Variants in SLC10A7 observed in about 807,000 individuals in gnomAD.
SLC10A7 encodes the protein solute carrier family 10 member 7, also known as sodium/bile acid cotransporter 7.
SLC10A7 carries 29 observed loss-of-function variants against 43.2 expected under a neutral mutation model. The observed-to-expected ratio is 0.67, with a 90% CI of 0.50 to 0.92. The LOEUF is 0.92. SLC10A7 is among the 40% of genes least tolerant of loss of function. The pLI is 0.00. For synonymous variants in SLC10A7, 152 were observed against 144.8 expected, an observed-to-expected ratio of 1.05 and a Z score of -0.35; for missense variants, 295 against 403.2, an observed-to-expected ratio of 0.73 and a Z score of 2.30.
intron 10 of SLC10A7, among the ~76,000 whole-genome samples, chr4:146,262,866 C>T (rs1041336846): frequency 6.6e-6 from 1 of 152,210 alleles, no homozygotes; most frequent in Non-Finnish European, 1.5e-5. Context: ...CAAATCTGAT[C>T]GTGTCACATC....
At chr4:146,514,825 G>A (rs955491162) in intron 2 of SLC10A7, 3 of 301,508 alleles carry the variant, frequency 9.9e-6, no homozygotes, top group Admixed American at 5.0e-5. Context: ...GAAATTAGCA[G>A]GCTTTAGAAG....
intron 5 of SLC10A7, among the ~76,000 whole-genome samples, chr4:146,347,757 T>C (rs572091858): frequency 6.6e-6 from 1 of 152,180 alleles, no homozygotes; most frequent in African/African-American, 2.4e-5. Flanking sequence ...TCATCAATTA[T>C]GTATAGAAAT....
rs747540119 is a variant in SLC10A7 at position 146,305,912 on chromosome 4, AT to A, written c.555+13del. 104 of 1,588,940 alleles carry A rather than the reference AT, an allele frequency of 6.5e-5. No homozygotes were observed. The highest frequency in any genetic ancestry group is 8.2e-5 in the Non-Finnish European group (96 of 1,168,966). On this transcript the variant is annotated intron_variant, in intron 7 of 11. Coordinates refer to ENST00000335472, the MANE Select transcript of SLC10A7 (RefSeq NM_001029998.6). ...ATCCATAAAGAAAAGATCAGATAGA[AT>A]TGGAGGCCTTACCTGTCCAATGATG...
rs535004220 is a variant in SLC10A7 at position 146,449,839 on chromosome 4, G to A, written c.397-7018C>T. 1.2e-4 allele frequency among the ~76,000 whole-genome samples: 19 copies of A among 152,152 alleles called. No individual in the cohort carries two copies. In the South Asian group the frequency reaches 2.7e-3, roughly 22 times the overall value. ...GTTTGGCCTCACTTGGGAAAGAAGGGAATTTAAAGTTTCAAACTAGAATGC... is the reference window on the plus strand; with the variant it reads ...GTTTGGCCTCACTTGGGAAAGAAGGAAATTTAAAGTTTCAAACTAGAATGC... On this transcript the variant is annotated intron_variant, in intron 4 of 11. Transcript: ENST00000335472.
chr4:146,373,697 G>T (rs1736956548), intron 5 of SLC10A7, among the ~76,000 whole-genome samples: 1 of 152,154 alleles, frequency 6.6e-6, no homozygotes, highest in Non-Finnish European at 1.5e-5. Flanking sequence ...AATCATGCAA[G>T]GAGATTTTTA....
chr4:146,422,860 G>A (rs1251645273), intron 5 of SLC10A7, among the ~76,000 whole-genome samples: 1 of 151,906 alleles, frequency 6.6e-6, no homozygotes, highest in Non-Finnish European at 1.5e-5. Context: ...TATTTTGGGA[G>A]GTCTTCCCAA....
At chr4:146,408,155 C>T (rs953812108) in intron 5 of SLC10A7, among the ~76,000 whole-genome samples, 3 of 152,132 alleles carry the variant, frequency 2.0e-5, no homozygotes, top group Non-Finnish European at 2.9e-5. Flanking sequence ...AGCATATCAG[C>T]GGTGCCTTTT....
intron 4 of SLC10A7, among the ~76,000 whole-genome samples, chr4:146,476,067 T>C (rs1204786583): frequency 6.6e-6 from 1 of 152,074 alleles, no homozygotes; most frequent in East Asian, 1.9e-4. Context: ...AGATAGGAGA[T>C]AGGATGAAGA....
At chr4:146,278,051 A>C (rs1458489668) in intron 10 of SLC10A7, among the ~76,000 whole-genome samples, 4 of 152,156 alleles carry the variant, frequency 2.6e-5, no homozygotes, top group African/African-American at 9.6e-5. Context: ...TAATACTTGG[A>C]TCCAGTAAAG....
At chr4:146,521,244 A>C (rs902069104) in intron 1 of SLC10A7, among the ~76,000 whole-genome samples, 1 of 151,846 alleles carries the variant, frequency 6.6e-6, no homozygotes, top group African/African-American at 2.4e-5. Flanking sequence ...AGGACTCGAA[A>C]GTAGACTCGA....
intron 5 of SLC10A7, among the ~76,000 whole-genome samples, chr4:146,350,255 C>G (rs1012458970): frequency 5.2e-4 from 79 of 151,682 alleles, no homozygotes; most frequent in Admixed American, 3.3e-4. Flanking sequence ...CTTTCTGAGT[C>G]AAAGAAAGGG....
Position 146,503,850 on chromosome 4 carries a change from T to A in SLC10A7, c.395A>T (p.Glu132Val). The change falls in exon 4 of 12, where the codon GAG becomes GTG. Residue 132 changes from glutamate to valine, a missense_variant and splice_region_variant. Physicochemically the swap from Glu to Val is moderately radical, Grantham distance 121. Coordinates refer to ENST00000335472, the MANE Select transcript of SLC10A7 (RefSeq NM_001029998.6). Reference protein sequence around the residue: ...VILTKAVGGNEAAAIFNSAFG... With the variant: ...VILTKAVGGNVAAAIFNSAFG... ...AAATAAGGTAGCCCCATGACTCACC[T>A]CATTTCCACCAACTGCCTTGGTTAA... 2 of 1,613,980 alleles carry A rather than the reference T, an allele frequency of 1.2e-6. No homozygotes were observed. The highest frequency in any genetic ancestry group is 4.5e-5 in the East Asian group (2 of 44,882).
intron 2 of SLC10A7, among the ~76,000 whole-genome samples, chr4:146,512,601 T>C (rs1579384682): frequency 1.3e-5 from 2 of 152,280 alleles, no homozygotes; most frequent in South Asian, 4.1e-4. Flanking sequence ...ACTTTATCAA[T>C]AGGTGTATAA....
intron 11 of SLC10A7, chr4:146,256,909 C>A: frequency 6.5e-7 from 1 of 1,536,224 alleles, no homozygotes; most frequent in Non-Finnish European, 8.7e-7. Flanking sequence ...TTCAAGTTAG[C>A]CAGTGGCCCC....
intron 5 of SLC10A7, among the ~76,000 whole-genome samples, chr4:146,390,678 A>G (rs947709042): frequency 7.2e-5 from 11 of 152,170 alleles, no homozygotes; most frequent in African/African-American, 2.7e-4. Flanking sequence ...GGTTATTTCA[A>G]TCAGAATCCT....
intron 1 of SLC10A7, 148 bp downstream of exon 1, chr4:146,521,470 T>G (rs1297461948): frequency 1.6e-6 from 1 of 639,504 alleles, no homozygotes; most frequent in East Asian, 2.8e-5. Flanking sequence ...GGTTGGTAAA[T>G]TAGAAAATCA....
At chr4:146,413,618 T>C (rs1728353848) in intron 5 of SLC10A7, among the ~76,000 whole-genome samples, 2 of 152,204 alleles carry the variant, frequency 1.3e-5, no homozygotes, top group South Asian at 4.1e-4. Flanking sequence ...ACAGAAATAT[T>C]ATGAAAATAT....
intron 10 of SLC10A7, among the ~76,000 whole-genome samples, chr4:146,276,252 A>G (rs1376093973): frequency 1.3e-5 from 2 of 152,194 alleles, no homozygotes; most frequent in Non-Finnish European, 2.9e-5. Flanking sequence ...AGATATAACA[A>G]AAGTATTTGT....
intron 3 of SLC10A7, 88 bp from the exon 4 acceptor site, chr4:146,504,012 C>G: frequency 8.9e-7 from 1 of 1,119,834 alleles, no homozygotes; most frequent in Non-Finnish European, 1.3e-6. Flanking sequence ...CAAGGCTGAG[C>G]AAATGAATAT....
Sources: allele counts gnomAD v4.1 joint callset (sites outside exome capture counted in the v4.1 genomes callset), GRCh38; gene constraint gnomAD v4.1.1; transcripts MANE v1.5; gene names NCBI Gene and HGNC (gene_info 2026-07-23, HGNC 2026-07-21).